ROPN1: variants seen among roughly 807,000 people sequenced by gnomAD.
ROPN1 encodes rhophilin associated tail protein 1, also known as ropporin-1A.
In ROPN1, 14 loss-of-function variants were observed where a neutral mutation model predicts 20.5. The observed-to-expected ratio is 0.68, with a 90% CI of 0.45 to 1.07. The LOEUF is 1.07. Among genes scored for constraint, ROPN1 ranks in the 50% least tolerant of loss-of-function variants. The pLI is 0.00. For missense variants in ROPN1, 169 were observed against 242.8 expected, an observed-to-expected ratio of 0.70 and a Z score of 2.02; for synonymous variants, 76 against 95.7, an observed-to-expected ratio of 0.79 and a Z score of 1.20.
At chr3:123,977,522 A>G (rs1358558750) in intron 2 of ROPN1, among the ~76,000 whole-genome samples, 1 of 152,140 alleles carries the variant, frequency 6.6e-6, no homozygotes, top group Non-Finnish European at 1.5e-5. Context: ...ACTGGGTGAC[A>G]GAGTGAGACC....
chr3:123,977,382 A>T (rs554581244), intron 2 of ROPN1, among the ~76,000 whole-genome samples: 126 of 152,322 alleles, frequency 8.3e-4, no homozygotes, highest in African/African-American at 2.8e-3. Flanking sequence ...AAAGTAATGT[A>T]CGTAAGAAAG....
At chr3:123,978,537 A>G (rs1346809511) in intron 2 of ROPN1, 1 of 153,814 alleles carries the variant, frequency 6.5e-6, no homozygotes, top group Non-Finnish European at 1.5e-5. Context: ...GGTTATACAC[A>G]TATATTGCAA....
intron 2 of ROPN1, 166 bp downstream of exon 2, chr3:123,980,200 A>G: frequency 1.5e-6 from 1 of 671,868 alleles, no homozygotes; most frequent in East Asian, 2.7e-5. Context: ...TAGATGTAGC[A>G]TTTATGTGTG....
At chr3:123,986,322 AC>A (rs2038255280) in intron 1 of ROPN1, among the ~76,000 whole-genome samples, 1 of 152,068 alleles carries the variant, frequency 6.6e-6, no homozygotes, top group African/African-American at 2.4e-5. Context: ...TAATATTATT[AC>A]AAAAATGGTT....
intron 1 of ROPN1, among the ~76,000 whole-genome samples, chr3:123,986,496 G>A (rs1296979801): frequency 6.6e-5 from 10 of 152,008 alleles, no homozygotes; most frequent in African/African-American, 2.2e-4. Context: ...GCAAGTCCAG[G>A]TGACTTCTCT....
Position 123,983,266 on chromosome 3 carries a change from G to T in ROPN1, c.-12-2773C>A, listed in dbSNP as rs988006253. On this transcript the variant is annotated intron_variant, in intron 1 of 5. Transcript: ENST00000405845. The stretch of plus-strand genomic sequence containing the variant: ...TGTGTTCAAGTCCTTGCTTTAAATT[G>T]TGTTGGGTATATATACCCAGAAGTG... 6.6e-5 allele frequency among the ~76,000 whole-genome samples: 10 copies of T among 151,946 alleles called. 1 individual carries two copies. Among genetic ancestry groups the T allele is most frequent in the Admixed American group, 5.2e-4 (8 of 15,276 alleles).
intron 1 of ROPN1, among the ~76,000 whole-genome samples, chr3:123,989,133 A>T (rs996631484): frequency 1.3e-5 from 2 of 152,138 alleles, no homozygotes; most frequent in Admixed American, 6.6e-5. Flanking sequence ...GTAAGGAGAG[A>T]ATTTCATGTA....
At chr3:123,975,208 C>T (rs1290716190) in intron 4 of ROPN1, 171 bp downstream of exon 4, 1 of 671,434 alleles carries the variant, frequency 1.5e-6, no homozygotes, top group Non-Finnish European at 2.6e-6. Flanking sequence ...ACCCCTGCCA[C>T]TGCCTGACGA....
At chr3:123,989,612 ATC>A (rs2038352729) in intron 1 of ROPN1, among the ~76,000 whole-genome samples, 1 of 152,200 alleles carries the variant, frequency 6.6e-6, no homozygotes, top group Non-Finnish European at 1.5e-5. Context: ...CTTTTCTAGC[ATC>A]TGTTTCATGC....
chr3:123,985,518 T>G (rs2038232391), intron 1 of ROPN1, among the ~76,000 whole-genome samples: 1 of 152,246 alleles, frequency 6.6e-6, no homozygotes, highest in Non-Finnish European at 1.5e-5. Flanking sequence ...GTTCACTTTT[T>G]TTCCCATTGT....
At chr3:123,980,638 G>A in intron 1 of ROPN1, 145 bp from the exon 2 acceptor site, 2 of 621,028 alleles carry the variant, frequency 3.2e-6, no homozygotes, top group Non-Finnish European at 5.3e-6. Flanking sequence ...ATTACACAAC[G>A]CCAAGGTTAG....
At chr3:123,980,139 C>T (rs570069642) in intron 2 of ROPN1, 37 of 580,006 alleles carry the variant, frequency 6.4e-5, no homozygotes, top group Non-Finnish European at 1.1e-4. Context: ...GACCTGGCGT[C>T]CTACTGCTCA....
chr3:123,980,037 G>A, intron 2 of ROPN1: 1 of 499,868 alleles, frequency 2.0e-6, no homozygotes. Context: ...TCCACCGGGA[G>A]TGGGAAAAGG....
intron 1 of ROPN1, among the ~76,000 whole-genome samples, chr3:123,988,896 A>G (rs955254403): frequency 1.3e-5 from 2 of 151,982 alleles, no homozygotes; most frequent in African/African-American, 2.4e-5. Context: ...AGCCTGCACT[A>G]GATATAGAAG....
intron 2 of ROPN1, among the ~76,000 whole-genome samples, chr3:123,977,335 T>C (rs1037871273): frequency 6.6e-6 from 1 of 152,172 alleles, no homozygotes; most frequent in African/African-American, 2.4e-5. Flanking sequence ...TACATATGTA[T>C]ATATAATATT....
intron 1 of ROPN1, among the ~76,000 whole-genome samples, chr3:123,986,236 T>C (rs2149002030): frequency 6.6e-6 from 1 of 151,322 alleles, no homozygotes; most frequent in Admixed American, 6.6e-5. Context: ...GCCTATAGTC[T>C]CCTTAAGTAC....
rs147747954 is a variant in ROPN1 at position 123,984,197 on chromosome 3, C to T, written c.-12-3704G>A. Among the ~76,000 whole-genome samples the T allele has an allele frequency of 1.8e-3, 281 of 152,282 alleles. 1 individual carries two copies. The highest frequency in any genetic ancestry group is 2.3e-3 in the Non-Finnish European group (156 of 68,034). ...AGCCTCTTCACGGCTTTATCTACGACAAAACTGTGTGGATTGCACTTGTTT... is the reference window on the plus strand; with the variant it reads ...AGCCTCTTCACGGCTTTATCTACGATAAAACTGTGTGGATTGCACTTGTTT... On this transcript the variant is annotated intron_variant, in intron 1 of 5. Transcript: ENST00000405845.
chr3:123,987,237 G>C (rs867023119), intron 1 of ROPN1, among the ~76,000 whole-genome samples: 4 of 152,234 alleles, frequency 2.6e-5, no homozygotes, highest in Non-Finnish European at 5.9e-5. Context: ...ACCCTGGTGA[G>C]AGCAGGTTGC....
At chr3:123,974,407 A>C (rs1192299940) in intron 4 of ROPN1, 1 of 152,234 alleles carries the variant, frequency 6.6e-6, no homozygotes, top group Non-Finnish European at 1.5e-5. Context: ...AAAGTGCCAC[A>C]AATGTCCTCT....
Sources: allele counts gnomAD v4.1 joint callset (sites outside exome capture counted in the v4.1 genomes callset), GRCh38; gene constraint gnomAD v4.1.1; transcripts MANE v1.5; gene names NCBI Gene and HGNC (gene_info 2026-07-23, HGNC 2026-07-21).